SLC20A1: variants seen among roughly 807,000 people sequenced by gnomAD.
SLC20A1 encodes solute carrier family 20 member 1.
A neutral mutation model predicts 62.7 loss-of-function variants in SLC20A1; 28 were observed. That is an observed-to-expected ratio of 0.45 (90% CI 0.33 to 0.61). The LOEUF (loss-of-function observed/expected upper bound fraction) is 0.61. Ranked by LOEUF, SLC20A1 falls within the 20% of genes least tolerant of loss-of-function variation. The pLI is 0.02. For synonymous variants in SLC20A1, 305 were observed against 302.9 expected (o/e 1.01, Z -0.07); for missense variants, 673 against 838.6 (o/e 0.80, Z 2.44).
Position 112,659,271 on chromosome 2 carries a change from C to A in SLC20A1, c.1116C>A (p.Ser372=). 6.2e-7 allele frequency: 1 copy of A among 1,614,202 alleles called. No individual in the cohort carries two copies. The highest frequency in any genetic ancestry group is 2.2e-5 in the East Asian group (1 of 44,888). The change falls in exon 8 of 11, where the codon TCC becomes TCA. Residue 372 remains serine (S), a synonymous_variant. Coordinates refer to ENST00000272542, the MANE Select transcript of SLC20A1 (RefSeq NM_005415.5). The part of the protein sequence containing the change: ...FSQAVSNQIN[S]SGHYQYHTVH... ...AAGCCGTCAGCAACCAAATAAACTC[C>A]AGTGGCCACTACCAGTATCACACCG...
At chr2:112,654,604 T>C (rs557544455) in intron 5 of SLC20A1, among the ~76,000 whole-genome samples, 1 of 152,194 alleles carries the variant, frequency 6.6e-6, no homozygotes, top group African/African-American at 2.4e-5. Flanking sequence ...CACCATAGAA[T>C]TGTAGTTTGG....
intron 5 of SLC20A1, among the ~76,000 whole-genome samples, chr2:112,655,388 A>G (rs985125118): frequency 6.6e-6 from 1 of 152,122 alleles, no homozygotes; most frequent in East Asian, 1.9e-4. Flanking sequence ...TGATGGGTTT[A>G]TAGGTACATA....
chr2:112,652,337 A>G (rs1002826262), intron 4 of SLC20A1: 3 of 226,914 alleles, frequency 1.3e-5, no homozygotes, highest in African/African-American at 2.3e-5. Context: ...AACATAGTCT[A>G]TTTCTTGACA....
chr2:112,658,769 G>A (rs1686666576), intron 6 of SLC20A1, 56 bp from the exon 7 acceptor site: 2 of 1,526,122 alleles, frequency 1.3e-6, no homozygotes, highest in Non-Finnish European at 1.8e-6. Flanking sequence ...AGGAGACGTG[G>A]AACAAAGTAG....
At chr2:112,661,263 C>A in intron 10 of SLC20A1, 37 bp downstream of exon 10, 1 of 1,490,748 alleles carries the variant, frequency 6.7e-7, no homozygotes, top group Non-Finnish European at 9.4e-7. Context: ...TCAAATGGTT[C>A]TTCTAATATG....
chr2:112,659,723 C>T lies in SLC20A1; in HGVS notation c.1568C>T (p.Ala523Val). 1 of 1,614,068 alleles carries T rather than the reference C, an allele frequency of 6.2e-7. No homozygotes were observed. The part of the protein sequence containing the change: ...LLFQFLQILT[A>V]CFGSFAHGGN... ...TTCCAGTTCCTGCAGATCCTTACAG[C>T]CTGCTTTGGGTCATTCGCCCATGGT... The change falls in exon 8 of 11, where the codon GCC (alanine) becomes GTC (valine). Residue 523 changes from alanine to valine, a missense_variant. Ala to Val is a moderately conservative substitution (Grantham distance 64). Coordinates refer to ENST00000272542, the MANE Select transcript of SLC20A1 (RefSeq NM_005415.5).
intron 10 of SLC20A1, among the ~76,000 whole-genome samples, chr2:112,661,849 G>A (rs984098595): frequency 4.6e-5 from 7 of 151,926 alleles, no homozygotes; most frequent in Non-Finnish European, 8.8e-5. Context: ...GCGCCCGGCC[G>A]ACAGCATTAT....
intron 4 of SLC20A1, among the ~76,000 whole-genome samples, chr2:112,649,496 G>C (rs1686376469): frequency 2.0e-5 from 3 of 152,090 alleles, no homozygotes; most frequent in Non-Finnish European, 4.4e-5. Context: ...GCTAAAATCT[G>C]AATATTTGAC....
In SLC20A1 at chr2:112,657,261, C is replaced by T; in HGVS notation, c.778+20C>T. 1 of 1,605,858 alleles carries T rather than the reference C, an allele frequency of 6.2e-7. No individual in the cohort carries two copies. The highest frequency in any genetic ancestry group is 8.5e-7 in the Non-Finnish European group (1 of 1,175,534). ...TTGAACGTAAGTAATAACTAAACAG[C>T]AGAAAAGTTTAACTACTAATGTTGT... On this transcript the variant is annotated intron_variant, in intron 6 of 10. Transcript: ENST00000272542.
chr2:112,660,118 A>ATC (rs1686706651), intron 8 of SLC20A1, among the ~76,000 whole-genome samples: 1 of 152,194 alleles, frequency 6.6e-6, no homozygotes, highest in African/African-American at 2.4e-5. Context: ...TTGGTTTGTA[A>ATC]ACTGTTTATT....
chr2:112,656,492 T>C (rs1282397601), intron 5 of SLC20A1, among the ~76,000 whole-genome samples: 2 of 152,196 alleles, frequency 1.3e-5, no homozygotes, highest in Non-Finnish European at 2.9e-5. Flanking sequence ...TGAGCCACCG[T>C]GCCTGGCTGA....
At position 112,663,101 on chromosome 2, in the gene SLC20A1, A is replaced by C; in HGVS notation, c.*76A>C. On this transcript the variant is annotated 3_prime_UTR_variant, in exon 11 of 11. Coordinates refer to ENST00000272542, the MANE Select transcript of SLC20A1 (RefSeq NM_005415.5). ...TCCTGCTCCCCTGAAGAATGATTAC[A>C]GTGTTAACAGAAGACTGACAAGAGT... The C allele has an allele frequency of 6.6e-7, 1 of 1,508,080 alleles. No individual in the cohort carries two copies. The highest frequency in any genetic ancestry group is 9.2e-7 in the Non-Finnish European group (1 of 1,084,448). The allele number at this position is 1,508,080 out of a possible 1,614,324, so 93.4% of individuals were successfully genotyped here.
intron 10 of SLC20A1, among the ~76,000 whole-genome samples, chr2:112,662,442 G>T (rs968087420): frequency 8.9e-5 from 10 of 112,796 alleles, no homozygotes; most frequent in African/African-American, 2.7e-4. Context: ...TTAGCTAGGC[G>T]TGGTGGTGGG....
chr2:112,650,355 C>T (rs112418920), intron 4 of SLC20A1, among the ~76,000 whole-genome samples: 40 of 136,506 alleles, frequency 2.9e-4, no homozygotes, highest in African/African-American at 9.0e-4. Flanking sequence ...TTTTTTGAGA[C>T]GGAGTCTCAC....
rs1308864682 is a variant in SLC20A1, at chr2:112,661,137, T to C, written c.1794-5T>C. Reference sequence around the variant, plus strand: ...TTCCTGACAAGAATCCTTTTGTGTCTGTAGTGGCTTCAGTATTGAACTGGC... The same window carrying C: ...TTCCTGACAAGAATCCTTTTGTGTCCGTAGTGGCTTCAGTATTGAACTGGC... On this transcript the variant is annotated splice_region_variant and splice_polypyrimidine_tract_variant and intron_variant, in intron 9 of 10. Coordinates refer to ENST00000272542, the MANE Select transcript of SLC20A1 (RefSeq NM_005415.5). 1 of 1,612,806 alleles carries C rather than the reference T, an allele frequency of 6.2e-7. No homozygotes were observed. Among genetic ancestry groups the C allele is most frequent in the Non-Finnish European group, 8.5e-7 (1 of 1,178,998 alleles).
chr2:112,657,888 G>C (rs1686636095), intron 6 of SLC20A1, among the ~76,000 whole-genome samples: 1 of 152,212 alleles, frequency 6.6e-6, no homozygotes, highest in African/African-American at 2.4e-5. Context: ...TAAATACTGA[G>C]TAAATTTTGG....
intron 6 of SLC20A1, 25 bp from the exon 7 acceptor site, chr2:112,658,800 A>G (rs1190895455): frequency 2.5e-6 from 4 of 1,577,612 alleles, no homozygotes; most frequent in Admixed American, 3.8e-5. Flanking sequence ...ACCAAACCAA[A>G]AAAGACCCCC....
Position 112,663,388 on chromosome 2 carries a change from G to A in SLC20A1, c.*363G>A, listed in dbSNP as rs550844331. 6.3e-5 allele frequency: 22 copies of A among 349,924 alleles called. No individual in the cohort carries two copies. Among genetic ancestry groups the A allele is most frequent in the South Asian group, 3.6e-4 (16 of 44,582 alleles). 21.7% of individuals were successfully genotyped at this position (349,924 alleles called of 1,614,324 possible). ...TCTTTTTTTTAAACCATGAAGAGCC[G>A]TTTGACAGAGCATGCTCTGCGTTGT... On this transcript the variant is annotated 3_prime_UTR_variant, in exon 11 of 11. Coordinates refer to ENST00000272542, the MANE Select transcript of SLC20A1 (RefSeq NM_005415.5).
At chr2:112,647,621 T>C in intron 3 of SLC20A1, 32 bp from the exon 4 acceptor site, 1 of 1,597,572 alleles carries the variant, frequency 6.3e-7, no homozygotes, top group African/African-American at 1.3e-5. Flanking sequence ...TTTTCATTAT[T>C]TGATATTTTT....
Sources: gnomAD v4.1 joint callset for allele counts (sites outside exome capture counted in the v4.1 genomes callset) on GRCh38, gnomAD v4.1.1 for gene constraint, MANE v1.5 for transcripts, NCBI Gene and HGNC (gene_info 2026-07-23, HGNC 2026-07-21) for gene names.